MYO16: variants seen among roughly 807,000 people sequenced by gnomAD.
The protein encoded by MYO16 is unconventional myosin-XVI.
Under a neutral mutation model 205.3 loss-of-function variants are expected in MYO16, and 94 were observed. The ratio of observed to expected loss-of-function variants is 0.46; its 90% CI spans 0.39 to 0.54. The LOEUF (loss-of-function observed/expected upper bound fraction) is 0.54, where lower values mean the gene tolerates loss of function less well. Among genes scored for constraint, MYO16 ranks in the 20% least tolerant of loss-of-function variants. The pLI, the probability that MYO16 is intolerant of heterozygous loss-of-function variation, is 0.00. For missense variants in MYO16, 2,315 were observed against 2,387.5 expected, an observed-to-expected ratio of 0.97 and a Z score of 0.63; for synonymous variants, 988 against 954.0, an observed-to-expected ratio of 1.04 and a Z score of -0.66.
At chr13:108,988,629 T>C (rs1305276671) in intron 20 of MYO16, among the ~76,000 whole-genome samples, 1 of 152,138 alleles carries the variant, frequency 6.6e-6, no homozygotes, top group Non-Finnish European at 1.5e-5. Context: ...CCAAATAATC[T>C]CTTCTCTGTG....
intron 23 of MYO16, among the ~76,000 whole-genome samples, chr13:109,036,826 A>G (rs1886733172): frequency 6.6e-6 from 1 of 152,240 alleles, no homozygotes; most frequent in African/African-American, 2.4e-5. Context: ...TTATGTAAAG[A>G]GAGTGGGGAA....
rs77527393 is a variant in MYO16, at chr13:108,933,247, T to A, written c.1925+23097T>A. On this transcript the variant is annotated intron_variant, in intron 16 of 34. Coordinates refer to ENST00000457511, the MANE Select transcript of MYO16 (RefSeq NM_001198950.3). ...GGAATTGGTAGGAGATTAACTTCAATGAGAATAGACAGAGATAGAAATAAA... is the reference window on the plus strand; with the variant it reads ...GGAATTGGTAGGAGATTAACTTCAAAGAGAATAGACAGAGATAGAAATAAA... Among the ~76,000 whole-genome samples, 1,185 of 152,162 alleles carry A rather than the reference T, an allele frequency of 7.8e-3. 16 individuals carry two copies. Among genetic ancestry groups the A allele is most frequent in the African/African-American group, 0.028 (1,144 of 41,500 alleles).
intron 12 of MYO16, among the ~76,000 whole-genome samples, chr13:108,876,082 CAAG>C (rs1199526576): frequency 3.3e-5 from 5 of 150,906 alleles, no homozygotes; most frequent in Non-Finnish European, 5.9e-5. Flanking sequence ...AGTTTTCAAA[CAAG>C]AACAGAAATT....
intron 24 of MYO16, among the ~76,000 whole-genome samples, chr13:109,050,768 AT>A (rs1184936139): frequency 2.6e-5 from 4 of 152,138 alleles, no homozygotes. Context: ...ATAATGATTA[AT>A]TACTATGATT....
chr13:109,039,767 A>T (rs1267106740), intron 23 of MYO16, among the ~76,000 whole-genome samples: 1 of 152,202 alleles, frequency 6.6e-6, no homozygotes, highest in Admixed American at 6.5e-5. Context: ...CAAACCAATA[A>T]TCTAAGCTCC....
chr13:108,644,022 A>AT, intron 1 of MYO16, among the ~76,000 whole-genome samples: 1 of 152,260 alleles, frequency 6.6e-6, no homozygotes, highest in Middle Eastern at 3.4e-3. Context: ...AACACAGAAT[A>AT]TTTCTGGGCT....
intron 9 of MYO16, among the ~76,000 whole-genome samples, chr13:108,837,232 G>C (rs1364111765): frequency 6.6e-6 from 1 of 152,074 alleles, no homozygotes; most frequent in Non-Finnish European, 1.5e-5. Flanking sequence ...GTTGGCACTT[G>C]TTCTTCCTCC....
intron 18 of MYO16, among the ~76,000 whole-genome samples, chr13:108,962,097 A>T (rs557629307): frequency 1.3e-5 from 2 of 152,280 alleles, no homozygotes; most frequent in South Asian, 2.1e-4. Context: ...AAAACCACAG[A>T]TTGTCAGGAA....
At chr13:109,147,728 T>C (rs1877414430) in intron 32 of MYO16, among the ~76,000 whole-genome samples, 1 of 152,152 alleles carries the variant, frequency 6.6e-6, no homozygotes, top group African/African-American at 2.4e-5. Flanking sequence ...GTGTGGAAGA[T>C]AATTTACTGA....
chr13:108,914,893 T>C (rs945695553), intron 16 of MYO16, among the ~76,000 whole-genome samples: 1 of 152,188 alleles, frequency 6.6e-6, no homozygotes, highest in Non-Finnish European at 1.5e-5. Context: ...TCCACCTGCT[T>C]CAGCCTCCCA....
At chr13:108,949,045 A>G (rs1354982677) in intron 16 of MYO16, among the ~76,000 whole-genome samples, 1 of 152,240 alleles carries the variant, frequency 6.6e-6, no homozygotes, top group Non-Finnish European at 1.5e-5. Flanking sequence ...AGTTGTTGTT[A>G]CAGACTTATT....
intron 4 of MYO16, among the ~76,000 whole-genome samples, chr13:108,761,548 T>A (rs1431349): frequency 0.55 from 83,662 of 151,848 alleles, 23,270 homozygotes; most frequent in East Asian, 0.63. Context: ...AGACTTTCAA[T>A]CTGAGATTGG....
intron 1 of MYO16, among the ~76,000 whole-genome samples, chr13:108,614,098 A>C (rs759520558): frequency 6.6e-6 from 1 of 152,122 alleles, no homozygotes; most frequent in Non-Finnish European, 1.5e-5. Context: ...TCCATATAAA[A>C]TGTAGAACCA....
At chr13:109,161,215 T>C (rs1030454596) in intron 32 of MYO16, among the ~76,000 whole-genome samples, 1 of 152,220 alleles carries the variant, frequency 6.6e-6, no homozygotes, top group African/African-American at 2.4e-5. Flanking sequence ...CTTTGCAACC[T>C]ACAGTTTTCA....
At chr13:109,181,633 T>C (rs1231060719) in intron 34 of MYO16, among the ~76,000 whole-genome samples, 2 of 152,048 alleles carry the variant, frequency 1.3e-5, no homozygotes, top group Non-Finnish European at 2.9e-5. Flanking sequence ...GGCGTTATGG[T>C]AGATAAAGAA....
chr13:108,583,896 TA>T, the MYO16 span, among the ~76,000 whole-genome samples: 1 of 152,214 alleles, frequency 6.6e-6, no homozygotes. Flanking sequence ...ATCAAAAGAT[TA>T]AAAATAAAGA....
At chr13:109,057,714 T>G (rs1190618752) in intron 27 of MYO16, among the ~76,000 whole-genome samples, 1 of 151,690 alleles carries the variant, frequency 6.6e-6, no homozygotes, top group East Asian at 1.9e-4. Flanking sequence ...TAGATGGCCT[T>G]TGGTTCGAGT....
At chr13:108,585,921 C>T in the MYO16 span, among the ~76,000 whole-genome samples, 1 of 150,388 alleles carries the variant, frequency 6.6e-6, no homozygotes, top group African/African-American at 2.4e-5. Context: ...AGAAATAACT[C>T]GTTTGCTATT....
chr13:109,027,289 C>G (rs1296319769), intron 23 of MYO16, among the ~76,000 whole-genome samples: 3 of 152,164 alleles, frequency 2.0e-5, no homozygotes, highest in Non-Finnish European at 4.4e-5. Flanking sequence ...TTTAATCCAG[C>G]CGGACCGCAT....
Sources: allele counts gnomAD v4.1 joint callset (sites outside exome capture counted in the v4.1 genomes callset), GRCh38; gene constraint gnomAD v4.1.1; transcripts MANE v1.5; gene names NCBI Gene and HGNC (gene_info 2026-07-23, HGNC 2026-07-21).